The following NAALADL2 variants were observed in gnomAD, a reference collection of about 807,000 sequenced individuals.
NAALADL2 encodes N-acetylated alpha-linked acidic dipeptidase like 2, also known as inactive N-acetylated-alpha-linked acidic dipeptidase-like protein 2.
Under a neutral mutation model 87.2 loss-of-function variants are expected in NAALADL2, and 76 were observed. That is an observed-to-expected ratio of 0.87 (90% CI 0.72 to 1.05). The LOEUF is 1.05. Among genes scored for constraint, NAALADL2 ranks in the 50% least tolerant of loss-of-function variants. The pLI is 0.00. For synonymous variants in NAALADL2, 354 were observed against 331.0 expected (o/e 1.07, Z -0.75); for missense variants, 1,089 against 945.8 (o/e 1.15, Z -1.99).
intron 1 of NAALADL2, among the ~76,000 whole-genome samples, chr3:174,880,529 C>T (rs1729066371): frequency 6.6e-6 from 1 of 152,134 alleles, no homozygotes; most frequent in Middle Eastern, 3.4e-3. Flanking sequence ...TCTGACTAGT[C>T]TTCTGATGGG....
At chr3:175,228,254 C>T (rs1259818895) in intron 2 of NAALADL2, among the ~76,000 whole-genome samples, 1 of 151,878 alleles carries the variant, frequency 6.6e-6, no homozygotes, top group Admixed American at 6.6e-5. Context: ...AGTATCTATT[C>T]TATTATGAAA....
chr3:175,305,525 CT>C (rs1398198537), intron 4 of NAALADL2, among the ~76,000 whole-genome samples: 5 of 150,790 alleles, frequency 3.3e-5, no homozygotes, highest in Admixed American at 1.3e-4. Flanking sequence ...TTTTCTTTTT[CT>C]TTTTTTTTGT....
intron 2 of NAALADL2, among the ~76,000 whole-genome samples, chr3:175,164,216 A>C (rs1279515590): frequency 6.6e-6 from 1 of 152,058 alleles, no homozygotes; most frequent in East Asian, 1.9e-4. Flanking sequence ...ATAACAAGGA[A>C]AAAGAATGAG....
At chr3:175,157,488 G>T (rs1188611038) in intron 2 of NAALADL2, among the ~76,000 whole-genome samples, 1 of 151,794 alleles carries the variant, frequency 6.6e-6, no homozygotes, top group South Asian at 2.1e-4. Context: ...GTAATAAATG[G>T]GCATTATTCA....
intron 11 of NAALADL2, among the ~76,000 whole-genome samples, chr3:175,648,991 G>A (rs897123667): frequency 3.3e-5 from 5 of 152,140 alleles, no homozygotes; most frequent in African/African-American, 1.2e-4. Context: ...TCCTGCCAAA[G>A]GAAGTTGCTA....
chr3:174,823,259 GAC>G (rs1390553086), intron 3 of NAALADL2, among the ~76,000 whole-genome samples: 1 of 151,184 alleles, frequency 6.6e-6, no homozygotes, highest in African/African-American at 2.4e-5. Context: ...TTCTTGTAAA[GAC>G]AGAACAAATA....
At chr3:175,707,883 A>T (rs1416899095) in intron 11 of NAALADL2, among the ~76,000 whole-genome samples, 1 of 152,068 alleles carries the variant, frequency 6.6e-6, no homozygotes, top group African/African-American at 2.4e-5. Context: ...ATGGAAAGAA[A>T]AACTGTGGGC....
intron 10 of NAALADL2, among the ~76,000 whole-genome samples, chr3:175,614,727 G>A (rs1449644927): frequency 6.6e-6 from 1 of 152,158 alleles, no homozygotes. Flanking sequence ...TTGAATATGA[G>A]TGCATGCATA....
chr3:174,609,701 G>A (rs1342518434), intron 2 of NAALADL2, among the ~76,000 whole-genome samples: 1 of 152,130 alleles, frequency 6.6e-6, no homozygotes, highest in African/African-American at 2.4e-5. Context: ...CATTCTCATG[G>A]GTAGGAAGAA....
intron 1 of NAALADL2, among the ~76,000 whole-genome samples, chr3:174,940,275 T>G (rs1738379643): frequency 6.6e-6 from 1 of 152,272 alleles, no homozygotes; most frequent in South Asian, 2.1e-4. Flanking sequence ...AATCATGTGG[T>G]TTTTGTCTTC....
chr3:175,406,420 A>G (rs1712384815), intron 5 of NAALADL2, among the ~76,000 whole-genome samples: 1 of 152,154 alleles, frequency 6.6e-6, no homozygotes, highest in African/African-American at 2.4e-5. Flanking sequence ...GGAAACTGAT[A>G]ATGTGAAATG....
intron 2 of NAALADL2, among the ~76,000 whole-genome samples, chr3:174,673,225 G>T (rs1726736190): frequency 2.6e-5 from 4 of 151,904 alleles, no homozygotes; most frequent in South Asian, 2.1e-4. Context: ...ATTGGGCAAG[G>T]TCTTGGGGCT....
intron 1 of NAALADL2, among the ~76,000 whole-genome samples, chr3:174,863,378 CTTA>C (rs1377582913): frequency 1.3e-5 from 2 of 152,036 alleles, no homozygotes; most frequent in Non-Finnish European, 1.5e-5. Flanking sequence ...ATTCAGTGAG[CTTA>C]TTATGGAACC....
intron 10 of NAALADL2, among the ~76,000 whole-genome samples, chr3:175,619,268 G>GAA (rs1491229046): frequency 6.4e-4 from 23 of 35,934 alleles, no homozygotes; most frequent in African/African-American, 2.7e-3. Flanking sequence ...AGGAAGGAAG[G>GAA]AGAAGGAAAG....
At chr3:175,561,750 C>A (rs1330341178) in intron 9 of NAALADL2, among the ~76,000 whole-genome samples, 2 of 152,132 alleles carry the variant, frequency 1.3e-5, no homozygotes, top group Non-Finnish European at 2.9e-5. Flanking sequence ...CCCTCATAGA[C>A]CTTATCTAAA....
chr3:174,959,909 C>T (rs1159240515), intron 1 of NAALADL2, among the ~76,000 whole-genome samples: 1 of 151,982 alleles, frequency 6.6e-6, no homozygotes, highest in Non-Finnish European at 1.5e-5. Context: ...AAGATTTGTC[C>T]TTATCTTATA....
chr3:175,697,851 ATATGTGTATATATG>A (rs1443382343), intron 11 of NAALADL2, among the ~76,000 whole-genome samples: 1 of 118,652 alleles, frequency 8.4e-6, no homozygotes, highest in African/African-American at 3.4e-5. Context: ...GTATACATAT[ATATGTGTATATATG>A]TATGTATACA....
intron 3 of NAALADL2, among the ~76,000 whole-genome samples, chr3:174,765,541 A>AAG (rs1488344931): frequency 6.6e-6 from 1 of 152,028 alleles, no homozygotes; most frequent in Non-Finnish European, 1.5e-5. Context: ...ATGGGCCCTG[A>AAG]AGAGGTAGGT....
At chr3:175,310,163 A>G (rs1409867556) in intron 4 of NAALADL2, among the ~76,000 whole-genome samples, 3 of 152,328 alleles carry the variant, frequency 2.0e-5, no homozygotes, top group Admixed American at 6.5e-5. Flanking sequence ...TTCCAAATAC[A>G]TTCTTTTTAT....
Sources: gnomAD v4.1 joint callset for allele counts (sites outside exome capture counted in the v4.1 genomes callset) on GRCh38, gnomAD v4.1.1 for gene constraint, MANE v1.5 for transcripts, NCBI Gene and HGNC (gene_info 2026-07-23, HGNC 2026-07-21) for gene names.